SLC41A3: variants seen among roughly 807,000 people sequenced by gnomAD.
The protein encoded by SLC41A3 is solute carrier family 41 member 3.
In SLC41A3, 44 loss-of-function variants were observed where a neutral mutation model predicts 45.4. The observed-to-expected ratio is 0.97, with a 90% confidence interval of 0.76 to 1.25. The LOEUF (loss-of-function observed/expected upper bound fraction) is 1.25, where lower values mean the gene tolerates loss of function less well. Among genes scored for constraint, SLC41A3 ranks in the 50% most tolerant of loss-of-function variants. The pLI, the probability that SLC41A3 is intolerant of heterozygous loss-of-function variation, is 0.00. For synonymous variants in SLC41A3, 256 were observed against 252.4 expected (o/e 1.01, Z -0.13); for missense variants, 550 against 600.6 (o/e 0.92, Z 0.88).
At chr3:126,063,949 A>ACCCCCACCC (rs1553742156) in intron 2 of SLC41A3, among the ~76,000 whole-genome samples, 1 of 101,996 alleles carries the variant, frequency 9.8e-6, no homozygotes, top group East Asian at 3.5e-4. Flanking sequence ...GCCAGATCCA[A>ACCCCCACCC]CCCCCCCCCG....
rs917401049 is a variant in SLC41A3, at chr3:126,065,618, A to G, written c.273+2329T>C. 2.0e-5 allele frequency among the ~76,000 whole-genome samples: 3 copies of G among 152,244 alleles called. No homozygotes were observed. The East Asian group carries it at 5.8e-4, about 29-fold the overall frequency. Reference sequence around the variant, plus strand: ...AATATGTGCTGCCCTGTGCACGCACATGGGCAGATGGGCACCTGTATAAAA... The same window carrying G: ...AATATGTGCTGCCCTGTGCACGCACGTGGGCAGATGGGCACCTGTATAAAA... On this transcript the variant is annotated intron_variant, in intron 2 of 10. Coordinates refer to ENST00000360370, the MANE Select transcript of SLC41A3 (RefSeq NM_017836.4).
chr3:126,008,831 G>A lies in SLC41A3; in HGVS notation c.1155C>T (p.Gly385=), dbSNP rs1939406873. 3.1e-6 allele frequency: 5 copies of A among 1,614,036 alleles called. No individual in the cohort carries two copies. Among genetic ancestry groups the A allele is most frequent in the African/African-American group, 1.3e-5 (1 of 74,916 alleles). ...ARVLLLLVVP[G]HLIFFYIIYL... Reference sequence around the variant, plus strand: ...AGATGATGTAGAAGAAAATCAGATGGCCTGGGACCACCAGCAAGAGCAGGA... The same window carrying A: ...AGATGATGTAGAAGAAAATCAGATGACCTGGGACCACCAGCAAGAGCAGGA... The change falls in exon 10 of 11, where the codon GGC becomes GGT. Residue 385 remains glycine, a synonymous_variant. Coordinates refer to ENST00000360370, the MANE Select transcript of SLC41A3 (RefSeq NM_017836.4).
chr3:126,072,187 T>C (rs556381558), intron 1 of SLC41A3, among the ~76,000 whole-genome samples: 2 of 152,154 alleles, frequency 1.3e-5, no homozygotes, highest in East Asian at 3.9e-4. Flanking sequence ...ATGGCATGTG[T>C]TAATGTAGTG....
At chr3:126,086,953 T>G (rs1945406924), upstream of SLC41A3, among the ~76,000 whole-genome samples, 1 of 152,196 alleles carries the variant, frequency 6.6e-6, no homozygotes, top group Non-Finnish European at 1.5e-5. Flanking sequence ...GCTTTTCAAG[T>G]TCACGTGACA....
chr3:126,070,229 A>G (rs889987759), intron 1 of SLC41A3: 2 of 152,070 alleles, frequency 1.3e-5, no homozygotes, highest in African/African-American at 2.4e-5. Context: ...GGGGTCCCCA[A>G]CCCCCGTTGG....
intron 1 of SLC41A3, among the ~76,000 whole-genome samples, chr3:126,094,044 C>T (rs1259216433): frequency 6.6e-6 from 1 of 152,156 alleles, no homozygotes; most frequent in Non-Finnish European, 1.5e-5. Flanking sequence ...GATGGACAAC[C>T]TGGGACCATT....
intron 7 of SLC41A3, among the ~76,000 whole-genome samples, chr3:126,015,888 G>A (rs1012723098): frequency 1.6e-4 from 24 of 152,268 alleles, no homozygotes; most frequent in African/African-American, 5.3e-4. Context: ...CCGGCACCAC[G>A]ACTGAGATGC....
chr3:126,093,797 G>GCTTT (rs1945540698), intron 1 of SLC41A3, among the ~76,000 whole-genome samples: 1 of 152,068 alleles, frequency 6.6e-6, no homozygotes, highest in Non-Finnish European at 1.5e-5. Flanking sequence ...CACAAATAAA[G>GCTTT]AAGGCAAAGC....
chr3:126,059,889 C>T (rs1447885925), intron 2 of SLC41A3, among the ~76,000 whole-genome samples: 1 of 152,134 alleles, frequency 6.6e-6, no homozygotes, highest in Non-Finnish European at 1.5e-5. Flanking sequence ...CTGAGCAGCC[C>T]CCAAACAGGT....
At chr3:126,020,362 G>T (rs1435377800) in intron 6 of SLC41A3, among the ~76,000 whole-genome samples, 1 of 152,148 alleles carries the variant, frequency 6.6e-6, no homozygotes, top group African/African-American at 2.4e-5. Flanking sequence ...CCCTTGTCTT[G>T]ACTATTAGCT....
In SLC41A3 at chr3:126,006,629, C is replaced by T; in HGVS notation, c.*387G>A. ...GAGGCTTGGGAACAGAAAAGAGCTC[C>T]TTCCTGCTCCACCCCAATCTGGGTT... On this transcript the variant is annotated 3_prime_UTR_variant, in exon 11 of 11. Coordinates refer to ENST00000360370, the MANE Select transcript of SLC41A3 (RefSeq NM_017836.4). 1.3e-6 allele frequency: 2 copies of T among 1,542,408 alleles called. No individual in the cohort carries two copies. The highest frequency in any genetic ancestry group is 4.6e-5 in the Admixed American group (2 of 43,370).
At chr3:126,060,255 C>T (rs549928921) in intron 2 of SLC41A3, among the ~76,000 whole-genome samples, 12 of 152,140 alleles carry the variant, frequency 7.9e-5, no homozygotes, top group African/African-American at 2.7e-4. Context: ...CCCGTCTCTA[C>T]TAATAATACA....
chr3:126,071,656 C>T (rs1380708784), intron 1 of SLC41A3, among the ~76,000 whole-genome samples: 1 of 151,918 alleles, frequency 6.6e-6, no homozygotes, highest in Non-Finnish European at 1.5e-5. Context: ...AAAATAACTT[C>T]AATAATTTAA....
chr3:126,093,205 C>G (rs955731969), intron 1 of SLC41A3, among the ~76,000 whole-genome samples: 1 of 151,956 alleles, frequency 6.6e-6, no homozygotes, highest in African/African-American at 2.4e-5. Flanking sequence ...GCTATTCATA[C>G]TAAAAAAGAA....
At chr3:126,025,079 A>T (rs1314247056) in intron 5 of SLC41A3, 3 of 152,248 alleles carry the variant, frequency 2.0e-5, no homozygotes, top group Non-Finnish European at 4.4e-5. Flanking sequence ...CTGTATATTC[A>T]TAAGCTTATT....
chr3:126,040,736 T>C, intron 3 of SLC41A3, among the ~76,000 whole-genome samples: 1 of 152,206 alleles, frequency 6.6e-6, no homozygotes, highest in Middle Eastern at 3.2e-3. Context: ...TGGCACAGTC[T>C]AGTCAACACA....
chr3:126,079,240 C>CACACACACACACA (rs35781435), intron 1 of SLC41A3, among the ~76,000 whole-genome samples: 163 of 100,866 alleles, frequency 1.6e-3, no homozygotes, highest in African/African-American at 5.5e-3. Flanking sequence ...ACACACACAC[C>CACACACACACACA]CACACACGAT....
chr3:126,052,514 A>T (rs1034595837), intron 2 of SLC41A3, among the ~76,000 whole-genome samples: 1 of 152,136 alleles, frequency 6.6e-6, no homozygotes, highest in Non-Finnish European at 1.5e-5. Flanking sequence ...TCTGAGCACT[A>T]CTACCTCTGA....
Position 126,067,096 on chromosome 3 carries a change from C to CGTG in SLC41A3, c.273+850_273+851insCAC, listed in dbSNP as rs202081037. Among the ~76,000 whole-genome samples, 11 of 133,994 alleles carry CGTG rather than the reference C, an allele frequency of 8.2e-5. 1 individual carries two copies. Among genetic ancestry groups the CGTG allele is most frequent in the South Asian group, 2.6e-4 (1 of 3,912 alleles). The allele number at this position is 133,994 out of a possible 152,430, so 87.9% of individuals were successfully genotyped here. On this transcript the variant is annotated intron_variant, in intron 2 of 10. Transcript: ENST00000360370. ...GTCAGGGTCTGTGGGTTGGACCGCC[C>CGTG]CCCCGCCCCCCGCCCCGGCCACCGC... is the stretch of plus-strand genomic sequence containing the variant.
Sources: gnomAD v4.1 joint callset for allele counts (sites outside exome capture counted in the v4.1 genomes callset) on GRCh38, gnomAD v4.1.1 for gene constraint, MANE v1.5 for transcripts, NCBI Gene and HGNC (gene_info 2026-07-23, HGNC 2026-07-21) for gene names.